The following GRM8 variants were observed in gnomAD, a reference collection of about 807,000 sequenced individuals.
GRM8 encodes the protein metabotropic glutamate receptor 8.
GRM8 carries 47 observed loss-of-function variants against 87.2 expected under a neutral mutation model. That is an observed-to-expected ratio of 0.54 (90% CI 0.43 to 0.69). The LOEUF is 0.69. GRM8 is among the 30% of genes least tolerant of loss of function. The pLI is 0.00. For synonymous variants in GRM8, 396 were observed against 404.5 expected (o/e 0.98, Z 0.25); for missense variants, 1,019 against 1,139.2 (o/e 0.89, Z 1.52).
At chr7:126,509,662 G>A (rs142292485) in intron 9 of GRM8, among the ~76,000 whole-genome samples, 60 of 152,072 alleles carry the variant, frequency 3.9e-4, no homozygotes, top group African/African-American at 1.4e-3. Flanking sequence ...TTTAAAATGA[G>A]GCTTAATTGA....
At chr7:126,807,824 T>C (rs1586021982) in intron 6 of GRM8, among the ~76,000 whole-genome samples, 5 of 152,250 alleles carry the variant, frequency 3.3e-5, no homozygotes, top group Admixed American at 3.3e-4. Flanking sequence ...CACACAAGAC[T>C]AGCACGTACT....
Position 126,533,576 on chromosome 7 carries a change from G to T in GRM8, c.1806C>A (p.Ile602=). 1.2e-6 allele frequency: 2 copies of T among 1,614,050 alleles called. No homozygotes were observed. The highest frequency in any genetic ancestry group is 1.6e-4 in the Middle Eastern group (1 of 6,062). Residue 602 remains isoleucine (I), a synonymous_variant, in exon 9 of 11, where the codon ATC becomes ATA. Coordinates refer to ENST00000339582, the MANE Select transcript of GRM8 (RefSeq NM_000845.3). ...ILGIIATTFV[I]VTFVRYNDTP... ...TGTCATTATAGCGGACAAAGGTCACGATCACAAAGGTGGTGGCGATGATTC... is the reference window on the plus strand; with the variant it reads ...TGTCATTATAGCGGACAAAGGTCACTATCACAAAGGTGGTGGCGATGATTC...
At chr7:126,733,191 C>T (rs529282965) in intron 7 of GRM8, among the ~76,000 whole-genome samples, 1 of 151,932 alleles carries the variant, frequency 6.6e-6, no homozygotes, top group South Asian at 2.1e-4. Flanking sequence ...CAATGTCCTT[C>T]CTGATAAAGT....
chr7:126,623,165 G>T (rs140049183), intron 7 of GRM8, among the ~76,000 whole-genome samples: 117 of 152,194 alleles, frequency 7.7e-4, no homozygotes, highest in Middle Eastern at 6.8e-3. Context: ...TGATCCATTA[G>T]CTTTCATACA....
At chr7:126,586,878 T>C (rs1265516798) in intron 8 of GRM8, among the ~76,000 whole-genome samples, 1 of 151,964 alleles carries the variant, frequency 6.6e-6, no homozygotes, top group Non-Finnish European at 1.5e-5. Context: ...GAAACTACCA[T>C]CAGAGTGAAC....
At chr7:126,690,332 T>C (rs901416762) in intron 7 of GRM8, among the ~76,000 whole-genome samples, 1 of 152,166 alleles carries the variant, frequency 6.6e-6, no homozygotes, top group African/African-American at 2.4e-5. Flanking sequence ...ATCCAGCAAC[T>C]GTGCACAGCC....
chr7:126,657,815 C>A (rs2151270275), intron 7 of GRM8, among the ~76,000 whole-genome samples: 1 of 152,290 alleles, frequency 6.6e-6, no homozygotes, highest in Middle Eastern at 3.4e-3. Flanking sequence ...GTGGGGAAAC[C>A]CACAGAGGAG....
intron 3 of GRM8, among the ~76,000 whole-genome samples, chr7:126,941,913 A>G (rs562414894): frequency 1.1e-4 from 16 of 152,342 alleles, no homozygotes; most frequent in South Asian, 2.1e-4. Flanking sequence ...TAGGATAACC[A>G]GAAACTTTCT....
At chr7:126,559,665 A>G (rs1292396450) in intron 8 of GRM8, among the ~76,000 whole-genome samples, 2 of 152,246 alleles carry the variant, frequency 1.3e-5, no homozygotes, top group East Asian at 3.8e-4. Context: ...AGTGGTGGAC[A>G]GTGTGTTTAG....
intron 2 of GRM8, among the ~76,000 whole-genome samples, chr7:127,236,902 G>A (rs568980316): frequency 6.6e-5 from 10 of 152,196 alleles, no homozygotes; most frequent in Admixed American, 6.5e-4. Flanking sequence ...TGCCCACATG[G>A]TGCTTACAGT....
intron 3 of GRM8, among the ~76,000 whole-genome samples, chr7:127,052,361 T>C (rs988133476): frequency 6.6e-5 from 10 of 152,316 alleles, no homozygotes; most frequent in Admixed American, 3.9e-4. Context: ...ACCTTCTCAG[T>C]AGTTGTTCCC....
intron 2 of GRM8, among the ~76,000 whole-genome samples, chr7:127,123,873 C>G (rs903511138): frequency 4.2e-5 from 6 of 142,068 alleles, no homozygotes; most frequent in Non-Finnish European, 9.8e-5. Flanking sequence ...CCTTCCCTTC[C>G]TTCTTCCTTT....
At chr7:126,603,632 A>G (rs1004704542) in intron 8 of GRM8, among the ~76,000 whole-genome samples, 1 of 152,184 alleles carries the variant, frequency 6.6e-6, no homozygotes, top group Admixed American at 6.6e-5. Context: ...AACAGAATAT[A>G]GAGAAAGGGC....
chr7:126,622,480 T>C (rs1432113316), intron 7 of GRM8, among the ~76,000 whole-genome samples: 1 of 152,020 alleles, frequency 6.6e-6, no homozygotes, highest in African/African-American at 2.4e-5. Context: ...AAAAACTTCC[T>C]CATCATTCCA....
intron 6 of GRM8, among the ~76,000 whole-genome samples, chr7:126,798,130 T>C (rs1822188754): frequency 6.6e-6 from 1 of 151,320 alleles, no homozygotes; most frequent in Non-Finnish European, 1.5e-5. Context: ...GTCTTCAACT[T>C]GTCTTCCATT....
intron 7 of GRM8, among the ~76,000 whole-genome samples, chr7:126,684,261 ATG>A (rs1807926755): frequency 6.6e-6 from 1 of 152,200 alleles, no homozygotes; most frequent in African/African-American, 2.4e-5. Flanking sequence ...ACTGGGGCTG[ATG>A]CTAGAATCCT....
chr7:126,724,521 A>T (rs970446819), intron 7 of GRM8, among the ~76,000 whole-genome samples: 2 of 152,188 alleles, frequency 1.3e-5, no homozygotes, highest in African/African-American at 4.8e-5. Context: ...TGTGATAATT[A>T]TAAAGCAATC....
At chr7:126,964,023 C>A (rs1809588359) in intron 3 of GRM8, among the ~76,000 whole-genome samples, 1 of 152,110 alleles carries the variant, frequency 6.6e-6, no homozygotes, top group African/African-American at 2.4e-5. Context: ...ACATCTACGA[C>A]CATCAGGTCT....
chr7:126,620,115 C>T (rs943535725), intron 7 of GRM8, among the ~76,000 whole-genome samples: 7 of 152,242 alleles, frequency 4.6e-5, no homozygotes, highest in African/African-American at 1.4e-4. Flanking sequence ...CACAGTGAGA[C>T]CCCCATCTCT....
Sources: allele counts gnomAD v4.1 joint callset (sites outside exome capture counted in the v4.1 genomes callset), GRCh38; gene constraint gnomAD v4.1.1; transcripts MANE v1.5; gene names NCBI Gene and HGNC (gene_info 2026-07-23, HGNC 2026-07-21).